Variants in DIS3L2 observed in about 807,000 individuals in gnomAD.
DIS3L2 encodes DIS3-like exonuclease 2.
Under a neutral mutation model 97.5 loss-of-function variants are expected in DIS3L2, and 34 were observed. The ratio of observed to expected loss-of-function variants is 0.35; its 90% CI spans 0.27 to 0.46. The LOEUF is 0.46. Ranked by LOEUF, DIS3L2 falls within the 20% of genes least tolerant of loss-of-function variation. The pLI is 1.00. For synonymous variants in DIS3L2, 435 were observed against 445.2 expected (o/e 0.98, Z 0.29); for missense variants, 1,038 against 1,146.0 (o/e 0.91, Z 1.36).
At chr2:232,098,668 T>C (rs1262416195) in intron 6 of DIS3L2, among the ~76,000 whole-genome samples, 1 of 152,200 alleles carries the variant, frequency 6.6e-6, no homozygotes, top group Non-Finnish European at 1.5e-5. Context: ...TTTCTAATTT[T>C]TGTAATATAG....
At chr2:231,975,358 C>A (rs1693052118) in intron 1 of DIS3L2, among the ~76,000 whole-genome samples, 1 of 151,656 alleles carries the variant, frequency 6.6e-6, no homozygotes, top group Non-Finnish European at 1.5e-5. Flanking sequence ...GGCTAAGAAT[C>A]CAGGGAAGGG....
At chr2:232,203,786 G>T (rs1691959343) in intron 9 of DIS3L2, among the ~76,000 whole-genome samples, 1 of 152,172 alleles carries the variant, frequency 6.6e-6, no homozygotes, top group South Asian at 2.1e-4. Flanking sequence ...TATTCTTTGG[G>T]GCTGTGAGGG....
Position 232,080,900 on chromosome 2 carries a change from C to CAAAA in DIS3L2, c.367-6571_367-6568dup, listed in dbSNP as rs34838591. Among the ~76,000 whole-genome samples, 185 of 116,242 alleles carry CAAAA rather than the reference C, an allele frequency of 1.6e-3. 1 individual carries two copies. Among genetic ancestry groups the CAAAA allele is most frequent in the African/African-American group, 4.3e-3 (134 of 31,204 alleles). The allele number at this position is 116,242 out of a possible 152,430, so 76.3% of individuals were successfully genotyped here. On this transcript the variant is annotated intron_variant, in intron 5 of 20. Transcript: ENST00000325385. Reference sequence around the variant, plus strand: ...TAGGTAACAAAGTGCAGCTCTGTCTCAAAAAAAAAAAAAAAAAAATACAGT... The same window carrying CAAAA: ...TAGGTAACAAAGTGCAGCTCTGTCTCAAAAAAAAAAAAAAAAAAAAAAATACAGT...
intron 9 of DIS3L2, among the ~76,000 whole-genome samples, chr2:232,204,292 T>C (rs1357756921): frequency 6.6e-6 from 1 of 152,164 alleles, no homozygotes; most frequent in Non-Finnish European, 1.5e-5. Context: ...AGGAAGAGTG[T>C]AAGTGACAAA....
At chr2:232,209,645 A>G (rs1239050217) in intron 9 of DIS3L2, among the ~76,000 whole-genome samples, 2 of 152,154 alleles carry the variant, frequency 1.3e-5, no homozygotes, top group Non-Finnish European at 2.9e-5. Flanking sequence ...TGCTGCCAAG[A>G]TCTTTAGGTG....
At chr2:232,243,322 G>A (rs1283929693) in intron 11 of DIS3L2, among the ~76,000 whole-genome samples, 2 of 152,134 alleles carry the variant, frequency 1.3e-5, no homozygotes, top group African/African-American at 4.8e-5. Flanking sequence ...AGAGAGCCAC[G>A]GATGAGGTTA....
At chr2:232,147,830 C>G (rs1251779889) in intron 8 of DIS3L2, among the ~76,000 whole-genome samples, 2 of 152,108 alleles carry the variant, frequency 1.3e-5, no homozygotes, top group Non-Finnish European at 2.9e-5. Context: ...AGTCAGTTCC[C>G]TAGTAGAATT....
At chr2:231,972,891 A>G (rs564839606) in intron 1 of DIS3L2, among the ~76,000 whole-genome samples, 2 of 152,306 alleles carry the variant, frequency 1.3e-5, no homozygotes, top group East Asian at 1.9e-4. Flanking sequence ...TGATTCTGCC[A>G]TATTCTTATT....
chr2:232,047,465 T>C (rs917919083), intron 5 of DIS3L2, among the ~76,000 whole-genome samples: 65 of 152,266 alleles, frequency 4.3e-4, no homozygotes, highest in African/African-American at 1.5e-3. Flanking sequence ...AAATGATTTA[T>C]TATTTGTAAT....
chr2:232,060,075 T>C (rs974734563), intron 5 of DIS3L2, among the ~76,000 whole-genome samples: 1 of 152,218 alleles, frequency 6.6e-6, no homozygotes, highest in African/African-American at 2.4e-5. Context: ...GTTAATCCCT[T>C]GTCAGCCATC....
intron 4 of DIS3L2, among the ~76,000 whole-genome samples, chr2:232,025,671 G>A (rs535544491): frequency 6.6e-6 from 1 of 152,250 alleles, no homozygotes; most frequent in Admixed American, 6.5e-5. Flanking sequence ...TCACATGTAC[G>A]AGAAGTGCAG....
chr2:232,187,263 T>C (rs1691466255), intron 9 of DIS3L2, among the ~76,000 whole-genome samples: 1 of 152,142 alleles, frequency 6.6e-6, no homozygotes, highest in Non-Finnish European at 1.5e-5. Flanking sequence ...TAACAAGTGT[T>C]GGTGAGGATG....
At chr2:231,979,709 C>T (rs1023152420) in intron 1 of DIS3L2, among the ~76,000 whole-genome samples, 62 of 152,012 alleles carry the variant, frequency 4.1e-4, no homozygotes, top group Admixed American at 1.3e-4. Flanking sequence ...TCCTGAGTAG[C>T]TGGGATTACA....
chr2:232,205,775 T>C (rs1471724107), intron 9 of DIS3L2, among the ~76,000 whole-genome samples: 3 of 152,184 alleles, frequency 2.0e-5, no homozygotes, highest in African/African-American at 4.8e-5. Flanking sequence ...GGAAAACTTT[T>C]TAAAGTTTAT....
chr2:232,149,259 C>T (rs34221691), intron 8 of DIS3L2, among the ~76,000 whole-genome samples: 1 of 145,600 alleles, frequency 6.9e-6, no homozygotes, highest in African/African-American at 2.6e-5. Context: ...AGGTTAGTTA[C>T]ATATGTATAC....
chr2:232,190,628 GAA>G (rs1412527715), intron 9 of DIS3L2, among the ~76,000 whole-genome samples: 1 of 152,174 alleles, frequency 6.6e-6, no homozygotes, highest in East Asian at 1.9e-4. Flanking sequence ...AAGGAAGAAA[GAA>G]AGAGAAAGAA....
chr2:232,094,588 C>T (rs1009963046), intron 6 of DIS3L2, among the ~76,000 whole-genome samples: 1 of 151,724 alleles, frequency 6.6e-6, no homozygotes. Flanking sequence ...CATGGTGGTG[C>T]GCACCTATAA....
chr2:232,053,705 A>G (rs1028835680), intron 5 of DIS3L2, among the ~76,000 whole-genome samples: 1 of 152,220 alleles, frequency 6.6e-6, no homozygotes, highest in African/African-American at 2.4e-5. Context: ...AAGGATGCAG[A>G]TGAATAGCCA....
chr2:232,121,496 C>T (rs1360710406), intron 6 of DIS3L2, among the ~76,000 whole-genome samples: 1 of 152,206 alleles, frequency 6.6e-6, no homozygotes, highest in Non-Finnish European at 1.5e-5. Context: ...CCAGCCCAGA[C>T]CTTCCTTTCT....
Sources: allele counts gnomAD v4.1 joint callset (sites outside exome capture counted in the v4.1 genomes callset), GRCh38; gene constraint gnomAD v4.1.1; transcripts MANE v1.5; gene names NCBI Gene and HGNC (gene_info 2026-07-23, HGNC 2026-07-21).